PAQR8: variants seen among roughly 807,000 people sequenced by gnomAD.
PAQR8 encodes membrane progestin receptor beta.
In PAQR8, 17 loss-of-function variants were observed where a neutral mutation model predicts 25.2. The observed-to-expected ratio is 0.67, with a 90% CI of 0.46 to 1.01. PAQR8 has a LOEUF of 1.01. Among genes scored for constraint, PAQR8 ranks in the 50% least tolerant of loss-of-function variants. The pLI is 0.00. For missense variants in PAQR8, 392 were observed against 448.4 expected (o/e 0.87, Z 1.14); for synonymous variants, 204 against 190.6 (o/e 1.07, Z -0.58).
At chr6:52,390,889 T>C (rs182429465) in intron 1 of PAQR8, among the ~76,000 whole-genome samples, 485 of 152,324 alleles carry the variant, frequency 3.2e-3, no homozygotes, top group Non-Finnish European at 4.2e-3. Flanking sequence ...TTTTACCAAC[T>C]TAGGTTTTAC....
intron 1 of PAQR8, among the ~76,000 whole-genome samples, chr6:52,375,012 GAT>G (rs1026151734): frequency 2.0e-5 from 3 of 151,600 alleles, no homozygotes; most frequent in East Asian, 1.9e-4. Flanking sequence ...TTTATTTAAA[GAT>G]ATGTTATTGC....
intron 1 of PAQR8, among the ~76,000 whole-genome samples, chr6:52,388,495 G>A (rs544861916): frequency 6.6e-6 from 1 of 152,302 alleles, no homozygotes; most frequent in South Asian, 2.1e-4. Flanking sequence ...CCCTGGTGCT[G>A]AAAAGGTTGG....
intron 1 of PAQR8, among the ~76,000 whole-genome samples, chr6:52,399,216 A>G (rs969363216): frequency 6.6e-6 from 1 of 152,220 alleles, no homozygotes; most frequent in Non-Finnish European, 1.5e-5. Context: ...TGAAGTAGAA[A>G]TAATTTCCAG....
At chr6:52,365,345 A>C (rs1763340112) in intron 1 of PAQR8, among the ~76,000 whole-genome samples, 1 of 151,926 alleles carries the variant, frequency 6.6e-6, no homozygotes, top group Non-Finnish European at 1.5e-5. Flanking sequence ...GTTGTGTTGC[A>C]TAAAGCTTCA....
chr6:52,367,807 G>C (rs1295855738), intron 1 of PAQR8, among the ~76,000 whole-genome samples: 1 of 152,188 alleles, frequency 6.6e-6, no homozygotes, highest in Non-Finnish European at 1.5e-5. Context: ...AGGCCAGGAA[G>C]CTCCTTCTGA....
At chr6:52,395,163 C>A (rs1763752713) in intron 1 of PAQR8, among the ~76,000 whole-genome samples, 1 of 150,556 alleles carries the variant, frequency 6.6e-6, no homozygotes, top group South Asian at 2.1e-4. Context: ...GTCCCAGCTA[C>A]TTGGGAGGCT....
intron 1 of PAQR8, among the ~76,000 whole-genome samples, chr6:52,373,088 A>C (rs1028617482): frequency 1.3e-5 from 2 of 152,220 alleles, no homozygotes; most frequent in African/African-American, 4.8e-5. Context: ...CTTGCATTAC[A>C]GAATTGGATC....
At chr6:52,388,675 C>A (rs560805555) in intron 1 of PAQR8, among the ~76,000 whole-genome samples, 41 of 152,324 alleles carry the variant, frequency 2.7e-4, no homozygotes, top group African/African-American at 9.6e-4. Context: ...GTGCCTTCAT[C>A]TTGGACTTTT....
chr6:52,374,689 C>T (rs1421259812), intron 1 of PAQR8, among the ~76,000 whole-genome samples: 1 of 152,124 alleles, frequency 6.6e-6, no homozygotes, highest in Non-Finnish European at 1.5e-5. Context: ...AGGTATGAGC[C>T]TATAGGTATT....
At chr6:52,384,922 C>T (rs1438288136) in intron 1 of PAQR8, among the ~76,000 whole-genome samples, 1 of 152,176 alleles carries the variant, frequency 6.6e-6, no homozygotes, top group Non-Finnish European at 1.5e-5. Flanking sequence ...GAAAGGATAT[C>T]CTATTCAATA....
rs1404726039 is a variant in PAQR8, at chr6:52,389,605, TGAA to T, written c.-52-13553_-52-13551del. The stretch of plus-strand genomic sequence containing the variant: ...GGCCTTGGAGATATCTAAGGAGAAA[TGAA>T]GAATAAAGTGACTTGCTTGACTCTT... On this transcript the variant is annotated intron_variant, in intron 1 of 1. Coordinates refer to ENST00000442253, the MANE Select transcript of PAQR8 (RefSeq NM_133367.5). Among the ~76,000 whole-genome samples the T allele has an allele frequency of 1.1e-4, 17 of 152,300 alleles. No homozygotes were observed. In the South Asian group the frequency reaches 2.3e-3, roughly 20 times the overall value.
intron 1 of PAQR8, among the ~76,000 whole-genome samples, chr6:52,392,511 C>A (rs2113947178): frequency 6.6e-6 from 1 of 152,298 alleles, no homozygotes; most frequent in South Asian, 2.1e-4. Flanking sequence ...TGGAGTGCTT[C>A]TATTTGTCAT....
rs909944600 is a variant in PAQR8, at chr6:52,404,737, T to A, written c.*459T>A. On this transcript the variant is annotated 3_prime_UTR_variant, in exon 2 of 2. Coordinates refer to ENST00000442253, the MANE Select transcript of PAQR8 (RefSeq NM_133367.5). ...AAATTGACCCAAGGACCGAATTTCA[T>A]TTGGATTTCAAATTGTCCAGAGTGG... The A allele has an allele frequency of 2.3e-5, 4 of 173,718 alleles. No homozygotes were observed. Among genetic ancestry groups the A allele is most frequent in the African/African-American group, 9.6e-5 (4 of 41,492 alleles). The allele number at this position is 173,718 out of a possible 1,614,324, so 10.8% of individuals were successfully genotyped here.
intron 1 of PAQR8, among the ~76,000 whole-genome samples, chr6:52,369,642 T>C (rs946078245): frequency 6.6e-6 from 1 of 152,192 alleles, no homozygotes; most frequent in Non-Finnish European, 1.5e-5. Flanking sequence ...GATCATAATT[T>C]TGGGAGAAAT....
chr6:52,379,358 C>G (rs949499848), intron 1 of PAQR8, among the ~76,000 whole-genome samples: 1 of 152,132 alleles, frequency 6.6e-6, no homozygotes, highest in Non-Finnish European at 1.5e-5. Context: ...GAAAAGAGTT[C>G]TGGAGATCGG....
In PAQR8 at chr6:52,390,432, T is replaced by C. The variant is rs113862397; in HGVS notation, c.-52-12730T>C. 8.9e-3 allele frequency among the ~76,000 whole-genome samples: 1,351 copies of C among 152,302 alleles called. 17 individuals are homozygous for C. Among genetic ancestry groups the C allele is most frequent in the African/African-American group, 0.031 (1,305 of 41,548 alleles). On this transcript the variant is annotated intron_variant, in intron 1 of 1. Coordinates refer to ENST00000442253, the MANE Select transcript of PAQR8 (RefSeq NM_133367.5). ...TCTTTTCTTTCTCCTCTTAGGAATA[T>C]TATAGGGCACCACAGAGGAAAAGAT...
Position 52,403,979 on chromosome 6 carries a change from C to T in PAQR8, c.766C>T (p.Leu256=), listed in dbSNP as rs1311433520. 5.0e-6 allele frequency: 8 copies of T among 1,614,096 alleles called. No homozygotes were observed. In the South Asian group the frequency reaches 8.8e-5, roughly 18 times the overall value. The change falls in exon 2 of 2, where the codon CTG becomes TTG. Residue 256 remains leucine (L), a synonymous_variant. Coordinates refer to ENST00000442253, the MANE Select transcript of PAQR8 (RefSeq NM_133367.5). ...CCACACCCTCCAGATCCTCTTCTTCCTGGTTAGCGCTTATTTCTTCTCCTG... is the reference window on the plus strand; with the variant it reads ...CCACACCCTCCAGATCCTCTTCTTCTTGGTTAGCGCTTATTTCTTCTCCTG... The part of the protein sequence containing the change: ...WYHTLQILFF[L]VSAYFFSCPV...
intron 1 of PAQR8, among the ~76,000 whole-genome samples, chr6:52,399,385 C>A (rs1763805697): frequency 6.6e-6 from 1 of 152,136 alleles, no homozygotes; most frequent in South Asian, 2.1e-4. Flanking sequence ...CAGTTAGTTC[C>A]CAGGTCTGAA....
intron 1 of PAQR8, among the ~76,000 whole-genome samples, chr6:52,384,284 G>C (rs1763603556): frequency 1.3e-5 from 2 of 152,206 alleles, no homozygotes; most frequent in South Asian, 4.1e-4. Flanking sequence ...AATGCATAAT[G>C]GTTTCACAAT....
Sources: allele counts gnomAD v4.1 joint callset (sites outside exome capture counted in the v4.1 genomes callset), GRCh38; gene constraint gnomAD v4.1.1; transcripts MANE v1.5; gene names NCBI Gene and HGNC (gene_info 2026-07-23, HGNC 2026-07-21).